SHANK2: variants seen among roughly 807,000 people sequenced by gnomAD.
The protein encoded by SHANK2 is SH3 and multiple ankyrin repeat domains 2.
Under a neutral mutation model 133.7 loss-of-function variants are expected in SHANK2, and 43 were observed. The observed-to-expected ratio is 0.32, with a 90% CI of 0.25 to 0.41. The LOEUF is 0.41. Among genes scored for constraint, SHANK2 ranks in the 10% least tolerant of loss-of-function variants. The pLI is 1.00. For synonymous variants in SHANK2, 1,017 were observed against 952.8 expected (o/e 1.07, Z -1.24); for missense variants, 1,994 against 2,235.8 (o/e 0.89, Z 2.18).
chr11:70,643,923 G>A (rs1555007290), intron 17 of SHANK2, among the ~76,000 whole-genome samples: 1 of 151,914 alleles, frequency 6.6e-6, no homozygotes, highest in Non-Finnish European at 1.5e-5. Context: ...GTGGAGGGGG[G>A]GGAGGAACAC....
At chr11:71,180,920 G>T (rs1953541759) in intron 2 of SHANK2, among the ~76,000 whole-genome samples, 1 of 151,974 alleles carries the variant, frequency 6.6e-6, no homozygotes, top group African/African-American at 2.4e-5. Context: ...CGGCTGTCTA[G>T]TGTATTTCTG....
At chr11:70,874,563 A>C (rs782765213) in intron 11 of SHANK2, among the ~76,000 whole-genome samples, 3 of 151,976 alleles carry the variant, frequency 2.0e-5, no homozygotes, top group Non-Finnish European at 4.4e-5. Context: ...TGATTTGTGC[A>C]TCAGTTTTAA....
intron 11 of SHANK2, among the ~76,000 whole-genome samples, chr11:70,867,747 C>T (rs1389544778): frequency 6.6e-6 from 1 of 152,218 alleles, no homozygotes; most frequent in Non-Finnish European, 1.5e-5. Context: ...TGACAATATT[C>T]CACTGCTGAC....
At chr11:70,721,444 G>C (rs899804306) in intron 14 of SHANK2, among the ~76,000 whole-genome samples, 6 of 152,226 alleles carry the variant, frequency 3.9e-5, no homozygotes, top group Non-Finnish European at 8.8e-5. Flanking sequence ...ACAGGAGCTG[G>C]TGCTCCACCA....
rs76822476 is a variant in SHANK2 at position 70,618,557 on chromosome 11, C to T, written c.2061+41271G>A. ...CCTGGCCTCACCTGCAGGTGATGTG[C>T]ATGGCTCGGATTCAGTAATTAAGTC... On this transcript the variant is annotated intron_variant, in intron 17 of 25. Coordinates refer to ENST00000601538, the MANE Select transcript of SHANK2 (RefSeq NM_012309.5). Among the ~76,000 whole-genome samples the T allele has an allele frequency of 4.5e-3, 688 of 152,312 alleles. 4 individuals carry two copies. Among genetic ancestry groups the T allele is most frequent in the African/African-American group, 0.016 (660 of 41,574 alleles).
chr11:70,622,873 T>G (rs1373959460), intron 17 of SHANK2, among the ~76,000 whole-genome samples: 1 of 150,218 alleles, frequency 6.7e-6, no homozygotes, highest in African/African-American at 2.5e-5. Flanking sequence ...ACCTGGGGAG[T>G]AGAGTCTAAA....
At chr11:70,777,379 C>A (rs575758186) in intron 14 of SHANK2, among the ~76,000 whole-genome samples, 74 of 151,830 alleles carry the variant, frequency 4.9e-4, no homozygotes, top group African/African-American at 1.7e-3. Flanking sequence ...ACCCATCCAC[C>A]CACCCATGTA....
intron 17 of SHANK2, among the ~76,000 whole-genome samples, chr11:70,512,071 G>A (rs1440171088): frequency 1.3e-5 from 2 of 152,176 alleles, no homozygotes; most frequent in Middle Eastern, 3.4e-3. Context: ...GATATTATCC[G>A]CTGACACACT....
At chr11:70,592,499 C>CTT (rs200336438) in intron 17 of SHANK2, among the ~76,000 whole-genome samples, 1 of 151,512 alleles carries the variant, frequency 6.6e-6, no homozygotes, top group East Asian at 1.9e-4. Context: ...CCCAGCACAC[C>CTT]CCCTCCAGCC....
At chr11:70,540,124 C>G (rs1347132897) in intron 17 of SHANK2, among the ~76,000 whole-genome samples, 1 of 152,174 alleles carries the variant, frequency 6.6e-6, no homozygotes, top group Non-Finnish European at 1.5e-5. Context: ...GTCCCAATTT[C>G]CAAGCAAGAC....
rs575571248 is a variant in SHANK2 at position 70,662,719 on chromosome 11, A to G, written c.1854-1041T>C. Among the ~76,000 whole-genome samples, 113 of 152,082 alleles carry G rather than the reference A, an allele frequency of 7.4e-4. 1 individual carries two copies. The South Asian group carries it at 0.022, about 30-fold the overall frequency. ...TTTTTTTAAGGAAAGAAACCAAAAA[A>G]GCTCCAACTTTGCTCTAGTGGCCAC... is the stretch of plus-strand genomic sequence containing the variant. On this transcript the variant is annotated intron_variant, in intron 15 of 25. Transcript: ENST00000601538.
chr11:70,755,121 G>A (rs1555038513), intron 14 of SHANK2, among the ~76,000 whole-genome samples: 1 of 151,594 alleles, frequency 6.6e-6, no homozygotes, highest in Non-Finnish European at 1.5e-5. Context: ...GCCCAGGCTG[G>A]AGTGCAGTGG....
intron 2 of SHANK2, among the ~76,000 whole-genome samples, chr11:71,147,971 C>T (rs1952688850): frequency 6.6e-6 from 1 of 152,124 alleles, no homozygotes; most frequent in South Asian, 2.1e-4. Flanking sequence ...TTGGGGGTCC[C>T]CAAGAGGCAG....
chr11:71,073,170 T>TTTG (rs1951171151), intron 9 of SHANK2, among the ~76,000 whole-genome samples: 1 of 90,454 alleles, frequency 1.1e-5, no homozygotes. Context: ...TTTTTCTTTT[T>TTTG]TTTTTTGAGA....
chr11:70,502,719 C>G (rs1463711924), intron 18 of SHANK2, 77 bp downstream of exon 18: 3 of 1,346,620 alleles, frequency 2.2e-6, no homozygotes, highest in African/African-American at 2.9e-5. Context: ...CCCACTGCCC[C>G]CCAGCTGTCC....
At chr11:71,057,681 G>A (rs1950936411) in intron 9 of SHANK2, among the ~76,000 whole-genome samples, 1 of 151,862 alleles carries the variant, frequency 6.6e-6, no homozygotes, top group Non-Finnish European at 1.5e-5. Flanking sequence ...CTCCTGAGTA[G>A]CTGGGACAAC....
intron 20 of SHANK2, among the ~76,000 whole-genome samples, chr11:70,501,656 A>G (rs1387408504): frequency 6.6e-6 from 1 of 152,138 alleles, no homozygotes; most frequent in Non-Finnish European, 1.5e-5. Context: ...TGCCTACAAG[A>G]TGGAGTCAGA....
rs1954229918 is a variant in SHANK2, at chr11:71,210,216, A to ATATG, written c.-13+14480_-13+14481insCATA. ...CTTCATTGGAAATCCACAGGTATAT[A>ATATG]TATATATATATATATATATATATAT... On this transcript the variant is annotated intron_variant, in intron 2 of 25. Coordinates refer to ENST00000601538, the MANE Select transcript of SHANK2 (RefSeq NM_012309.5). Among the ~76,000 whole-genome samples the ATATG allele has an allele frequency of 5.5e-4, 22 of 40,078 alleles. 3 individuals carry two copies. The highest frequency in any genetic ancestry group is 2.4e-3 in the Admixed American group (10 of 4,192). 26.3% of individuals were successfully genotyped at this position (40,078 alleles called of 152,430 possible). A position where few individuals can be genotyped will look rare whatever the true frequency, so the allele number is the denominator to read the frequency against.
chr11:70,673,449 G>A (rs556495028), intron 15 of SHANK2, among the ~76,000 whole-genome samples: 1 of 152,348 alleles, frequency 6.6e-6, no homozygotes, highest in Admixed American at 6.5e-5. Context: ...CAAAGACCAT[G>A]CTGGCGGGCC....
Sources: gnomAD v4.1 joint callset for allele counts (sites outside exome capture counted in the v4.1 genomes callset) on GRCh38, gnomAD v4.1.1 for gene constraint, MANE v1.5 for transcripts, NCBI Gene and HGNC (gene_info 2026-07-23, HGNC 2026-07-21) for gene names.